STPG4: variants seen among roughly 807,000 people sequenced by gnomAD.
STPG4 encodes sperm-tail PG-rich repeat containing 4, also known as protein STPG4.
STPG4 carries 41 observed loss-of-function variants against 31.5 expected under a neutral mutation model. The observed-to-expected ratio is 1.30, with a 90% CI of 1.01 to 1.69. The LOEUF is 1.69. Among genes scored for constraint, STPG4 ranks in the 40% most tolerant of loss-of-function variants. STPG4 has a pLI of 0.00. For missense variants in STPG4, 375 were observed against 293.4 expected (o/e 1.28, Z -2.03); for synonymous variants, 141 against 103.0 (o/e 1.37, Z -2.24).
At chr2:47,090,580 G>C (rs189307814) in intron 5 of STPG4, among the ~76,000 whole-genome samples, 18 of 152,258 alleles carry the variant, frequency 1.2e-4, no homozygotes, top group Admixed American at 7.8e-4. Flanking sequence ...CCTTGTGCAC[G>C]ATGGTGAGGA....
chr2:47,101,322 G>A (rs13005280), intron 5 of STPG4, among the ~76,000 whole-genome samples: 8,375 of 151,676 alleles, frequency 0.055, 431 homozygotes, highest in African/African-American at 0.11. Flanking sequence ...GGGCTGAGCC[G>A]AGGGTTGACA....
chr2:47,104,174 G>T (rs1240171692), intron 5 of STPG4, among the ~76,000 whole-genome samples: 1 of 151,966 alleles, frequency 6.6e-6, no homozygotes, highest in Non-Finnish European at 1.5e-5. Context: ...GCATTGGAAG[G>T]ACAATTTGGA....
At chr2:47,089,768 C>G (rs1027551839) in intron 6 of STPG4, among the ~76,000 whole-genome samples, 2 of 152,144 alleles carry the variant, frequency 1.3e-5, no homozygotes, top group South Asian at 2.1e-4. Context: ...TTCTTTGTAT[C>G]TCTCCATGGA....
chr2:47,105,179 C>G (rs555071090), intron 5 of STPG4, among the ~76,000 whole-genome samples: 3 of 151,896 alleles, frequency 2.0e-5, no homozygotes, highest in Non-Finnish European at 4.4e-5. Context: ...ACAGAGAGAG[C>G]CGGGATAGCT....
chr2:47,127,233 G>T (rs1398196382), intron 5 of STPG4, among the ~76,000 whole-genome samples: 2 of 121,056 alleles, frequency 1.7e-5, no homozygotes, highest in Admixed American at 8.6e-5. Context: ...TTTTCAAATA[G>T]CTTGTCTTCA....
chr2:47,116,791 G>C (rs1686162427), intron 5 of STPG4, among the ~76,000 whole-genome samples: 1 of 152,174 alleles, frequency 6.6e-6, no homozygotes, highest in Non-Finnish European at 1.5e-5. Flanking sequence ...AAGAGGACAT[G>C]TGAAAAGGCA....
At chr2:47,100,177 G>A (rs546068260) in intron 5 of STPG4, among the ~76,000 whole-genome samples, 4,502 of 152,200 alleles carry the variant, frequency 0.03, 287 homozygotes, top group African/African-American at 0.1. Context: ...GATCCACTGG[G>A]TGAAGCCAGC....
At chr2:47,149,372 A>G (rs930852707) in intron 3 of STPG4, among the ~76,000 whole-genome samples, 4 of 152,230 alleles carry the variant, frequency 2.6e-5, no homozygotes, top group African/African-American at 9.6e-5. Context: ...GAAGAGAGGA[A>G]GCAGAAAAGA....
chr2:47,102,855 T>G (rs1395747824), intron 5 of STPG4, among the ~76,000 whole-genome samples: 1 of 151,744 alleles, frequency 6.6e-6, no homozygotes, highest in East Asian at 1.9e-4. Context: ...TGGGGAGGTT[T>G]TCAGATGATC....
At chr2:47,125,371 T>C (rs1456605340) in intron 5 of STPG4, among the ~76,000 whole-genome samples, 1 of 152,132 alleles carries the variant, frequency 6.6e-6, no homozygotes, top group East Asian at 1.9e-4. Flanking sequence ...CAGTGAGCTG[T>C]GTTTGCATCA....
chr2:47,141,176 C>T (rs928486498), intron 3 of STPG4, among the ~76,000 whole-genome samples: 21 of 152,020 alleles, frequency 1.4e-4, no homozygotes, highest in South Asian at 2.1e-4. Flanking sequence ...CATGAGCCAC[C>T]GCTCCCAGCC....
intron 5 of STPG4, among the ~76,000 whole-genome samples, chr2:47,103,026 G>T (rs1475704785): frequency 6.6e-6 from 1 of 151,852 alleles, no homozygotes; most frequent in Non-Finnish European, 1.5e-5. Flanking sequence ...GGAGATACCT[G>T]GTATCTTAGT....
chr2:47,100,611 C>T (rs1263202191), intron 5 of STPG4, among the ~76,000 whole-genome samples: 20 of 151,340 alleles, frequency 1.3e-4, no homozygotes, highest in African/African-American at 2.0e-4. Flanking sequence ...TTTGTTCTTT[C>T]GCTCTTTGCA....
At chr2:47,149,183 G>A (rs1055870430) in intron 3 of STPG4, among the ~76,000 whole-genome samples, 1 of 152,136 alleles carries the variant, frequency 6.6e-6, no homozygotes, top group African/African-American at 2.4e-5. Flanking sequence ...TGTGGGAGGT[G>A]GAGAGGAAAG....
rs566927437 is a variant in STPG4, at chr2:47,125,035, C to T, written c.519+4906G>A. Among the ~76,000 whole-genome samples, 7 of 152,214 alleles carry T rather than the reference C, an allele frequency of 4.6e-5. No homozygotes were observed. The East Asian group carries it at 5.8e-4, about 13-fold the overall frequency. On this transcript the variant is annotated intron_variant, in intron 5 of 6. Transcript: ENST00000445927. ...TCTGATGATTAACGATGTTGAGCAC[C>T]GTTTTATACACCTGTTGGCCATTTG...
chr2:47,102,560 G>C (rs1685822495), intron 5 of STPG4, among the ~76,000 whole-genome samples: 1 of 151,776 alleles, frequency 6.6e-6, no homozygotes. Context: ...TTTTCATTGA[G>C]AGAGAATACA....
chr2:47,119,228 A>G (rs1210396999), intron 5 of STPG4, among the ~76,000 whole-genome samples: 1 of 152,248 alleles, frequency 6.6e-6, no homozygotes, highest in Non-Finnish European at 1.5e-5. Context: ...CATGAATCAC[A>G]GCCCTGGGCT....
chr2:47,113,108 T>G (rs1686075821), intron 5 of STPG4, among the ~76,000 whole-genome samples: 1 of 152,028 alleles, frequency 6.6e-6, no homozygotes, highest in Admixed American at 6.6e-5. Flanking sequence ...GATACATAGA[T>G]CTCATTCATT....
chr2:47,103,825 G>A (rs948857451), intron 5 of STPG4, among the ~76,000 whole-genome samples: 1 of 151,802 alleles, frequency 6.6e-6, no homozygotes, highest in African/African-American at 2.4e-5. Flanking sequence ...TGAGCCCCGG[G>A]TATGTTTAAC....
Sources: gnomAD v4.1 joint callset for allele counts (sites outside exome capture counted in the v4.1 genomes callset) on GRCh38, gnomAD v4.1.1 for gene constraint, MANE v1.5 for transcripts, NCBI Gene and HGNC (gene_info 2026-07-23, HGNC 2026-07-21) for gene names.